COX7B2: variants seen among roughly 807,000 people sequenced by gnomAD.
COX7B2 encodes cytochrome c oxidase subunit 7B2.
For synonymous variants in COX7B2, 37 were observed against 32.1 expected (o/e 1.15, Z -0.51); for missense variants, 109 against 95.9 (o/e 1.14, Z -0.57).
chr4:46,790,112 C>T (rs1054112574), intron 2 of COX7B2, among the ~76,000 whole-genome samples: 1 of 152,032 alleles, frequency 6.6e-6, no homozygotes, highest in African/African-American at 2.4e-5. Flanking sequence ...GCTATCTAAG[C>T]ATATCTTTAT....
intron 2 of COX7B2, among the ~76,000 whole-genome samples, chr4:46,808,283 T>C (rs536614790): frequency 3.8e-4 from 57 of 151,932 alleles, no homozygotes; most frequent in Middle Eastern, 3.4e-3. Flanking sequence ...CTTGATGCTA[T>C]TGTAAATGGA....
intron 1 of COX7B2, among the ~76,000 whole-genome samples, chr4:46,897,314 T>C (rs1166446466): frequency 1.3e-5 from 2 of 152,168 alleles, no homozygotes; most frequent in Non-Finnish European, 2.9e-5. Flanking sequence ...AATGAATCGA[T>C]ATCTCTCCAG....
At chr4:46,906,926 C>G (rs1720427302) in intron 1 of COX7B2, among the ~76,000 whole-genome samples, 1 of 152,180 alleles carries the variant, frequency 6.6e-6, no homozygotes, top group African/African-American at 2.4e-5. Flanking sequence ...CAAAATGTAA[C>G]TATGTTCAAA....
chr4:46,748,470 G>T (rs1377283740), intron 2 of COX7B2, among the ~76,000 whole-genome samples: 2 of 152,242 alleles, frequency 1.3e-5, no homozygotes, highest in South Asian at 4.1e-4. Flanking sequence ...AGCAGAGGGG[G>T]CTGCCCACAG....
At chr4:46,896,902 A>C (rs1015493460) in intron 1 of COX7B2, among the ~76,000 whole-genome samples, 1 of 152,232 alleles carries the variant, frequency 6.6e-6, no homozygotes, top group African/African-American at 2.4e-5. Flanking sequence ...ACCCAAAGAC[A>C]GAAGATCTTG....
In COX7B2 at chr4:46,816,504, T is replaced by C. The variant is rs182752784; in HGVS notation, c.-50+28456A>G. On this transcript the variant is annotated intron_variant, in intron 2 of 2. Coordinates refer to ENST00000355591, the MANE Select transcript of COX7B2 (RefSeq NM_130902.3). ...AAAAAGGTCTATTCTGTATTATAGT[T>C]ATTTATAGTTATTATATCTATTATG... is the stretch of plus-strand genomic sequence containing the variant. Among the ~76,000 whole-genome samples, 3 of 152,336 alleles carry C rather than the reference T, an allele frequency of 2.0e-5. No individual in the cohort carries two copies. The East Asian group carries it at 5.8e-4, about 29-fold the overall frequency.
At chr4:46,817,370 T>C (rs1324239282) in intron 2 of COX7B2, among the ~76,000 whole-genome samples, 1 of 152,240 alleles carries the variant, frequency 6.6e-6, no homozygotes, top group African/African-American at 2.4e-5. Context: ...GTTTTCAGGA[T>C]ATAAATGTAG....
intron 1 of COX7B2, among the ~76,000 whole-genome samples, chr4:46,860,972 C>T (rs1276270616): frequency 6.6e-6 from 1 of 152,076 alleles, no homozygotes; most frequent in Non-Finnish European, 1.5e-5. Context: ...TGGCCAATAC[C>T]CAGGTGCTGC....
At chr4:46,778,769 T>G (rs1717290952) in intron 2 of COX7B2, among the ~76,000 whole-genome samples, 1 of 152,168 alleles carries the variant, frequency 6.6e-6, no homozygotes, top group Non-Finnish European at 1.5e-5. Context: ...ATTTTTAGCA[T>G]CTGTTACTTC....
At chr4:46,782,528 C>T (rs1717528602) in intron 2 of COX7B2, among the ~76,000 whole-genome samples, 2 of 151,506 alleles carry the variant, frequency 1.3e-5, no homozygotes, top group African/African-American at 2.4e-5. Context: ...GCGGGGGTCC[C>T]ATAAGAGAAT....
At chr4:46,761,203 A>G (rs1281685836) in intron 2 of COX7B2, among the ~76,000 whole-genome samples, 1 of 152,180 alleles carries the variant, frequency 6.6e-6, no homozygotes, top group Non-Finnish European at 1.5e-5. Context: ...AAAGGATGCT[A>G]TGACATCAGA....
chr4:46,830,412 G>A (rs1714996918), intron 2 of COX7B2, among the ~76,000 whole-genome samples: 1 of 151,342 alleles, frequency 6.6e-6, no homozygotes, highest in Admixed American at 6.6e-5. Flanking sequence ...GCAATGGAAA[G>A]TATTATACTC....
At position 46,824,401 on chromosome 4, in the gene COX7B2, C is replaced by T. The variant is rs548899927; in HGVS notation, c.-50+20559G>A. Among the ~76,000 whole-genome samples, 7 of 152,174 alleles carry T rather than the reference C, an allele frequency of 4.6e-5. No homozygotes were observed. The East Asian group carries it at 7.7e-4, about 17-fold the overall frequency. ...CCTTGCAAGATAGTGAGGTATACAT[C>T]GCTGGCCCTCATGAGAGAATGAAAT... On this transcript the variant is annotated intron_variant, in intron 2 of 2. Coordinates refer to ENST00000355591, the MANE Select transcript of COX7B2 (RefSeq NM_130902.3).
chr4:46,806,572 A>G (rs1405887787), intron 2 of COX7B2, among the ~76,000 whole-genome samples: 2 of 152,098 alleles, frequency 1.3e-5, no homozygotes, highest in Non-Finnish European at 2.9e-5. Context: ...TTTAGCATGA[A>G]TCCTGTATAC....
At chr4:46,771,946 G>GTAT (rs969873766) in intron 2 of COX7B2, among the ~76,000 whole-genome samples, 3 of 152,108 alleles carry the variant, frequency 2.0e-5, no homozygotes, top group African/African-American at 7.2e-5. Flanking sequence ...AAATTTTGGA[G>GTAT]TATTTTTAAC....
intron 2 of COX7B2, among the ~76,000 whole-genome samples, chr4:46,830,459 T>G (rs1193976583): frequency 2.0e-5 from 3 of 152,096 alleles, no homozygotes; most frequent in African/African-American, 7.2e-5. Context: ...TTAAAATGAC[T>G]ATTTTAGTCT....
At chr4:46,744,448 T>C (rs770368516) in intron 2 of COX7B2, among the ~76,000 whole-genome samples, 1 of 152,078 alleles carries the variant, frequency 6.6e-6, no homozygotes, top group Non-Finnish European at 1.5e-5. Flanking sequence ...GTTGTCTCAG[T>C]CATTGGCTTT....
intron 2 of COX7B2, among the ~76,000 whole-genome samples, chr4:46,830,835 A>T (rs1715031769): frequency 6.6e-6 from 1 of 152,228 alleles, no homozygotes; most frequent in Admixed American, 6.5e-5. Flanking sequence ...CAGTCATCTC[A>T]CAAGAGGCAA....
intron 1 of COX7B2, among the ~76,000 whole-genome samples, chr4:46,871,727 A>G (rs1490706095): frequency 6.6e-6 from 1 of 152,174 alleles, no homozygotes; most frequent in Non-Finnish European, 1.5e-5. Context: ...AACCATATGA[A>G]AAAAAGCTCC....
Sources: allele counts gnomAD v4.1 joint callset (sites outside exome capture counted in the v4.1 genomes callset), GRCh38; gene constraint gnomAD v4.1.1; transcripts MANE v1.5; gene names NCBI Gene and HGNC (gene_info 2026-07-23, HGNC 2026-07-21).